The following IST1 variants were observed in gnomAD, a reference collection of about 807,000 sequenced individuals.
The protein encoded by IST1 is IST1 factor associated with ESCRT-III.
IST1 carries 23 observed loss-of-function variants against 37.0 expected under a neutral mutation model. The observed-to-expected ratio is 0.62, with a 90% CI of 0.45 to 0.88. The LOEUF (loss-of-function observed/expected upper bound fraction) is 0.88. Ranked by LOEUF, IST1 falls within the 40% of genes least tolerant of loss-of-function variation. The pLI, the probability that IST1 is intolerant of heterozygous loss-of-function variation, is 0.00. For synonymous variants in IST1, 180 were observed against 161.7 expected (o/e 1.11, Z -0.86); for missense variants, 488 against 445.4 (o/e 1.10, Z -0.86).
At chr16:71,921,275 G>A (rs573321718) in intron 5 of IST1, 68 bp from the exon 6 acceptor site, 13 of 909,882 alleles carry the variant, frequency 1.4e-5, no homozygotes, top group Middle Eastern at 3.3e-4. Context: ...AGCTAACTTC[G>A]CATAGTGAGG....
intron 1 of IST1, among the ~76,000 whole-genome samples, chr16:71,899,642 G>T (rs1005534963): frequency 5.3e-5 from 8 of 152,188 alleles, no homozygotes; most frequent in Non-Finnish European, 1.5e-5. Context: ...CTGGGAGGCC[G>T]AGGCGGGTGG....
At position 71,916,736 on chromosome 16, in the gene IST1, C is replaced by CCCAA. The variant is rs113087658; in HGVS notation, c.269+95_269+98dup. 1,885 of 1,048,944 alleles carry CCCAA rather than the reference C, an allele frequency of 1.8e-3. 31 individuals carry two copies. The African/African-American group carries it at 0.022, about 12-fold the overall frequency. The allele number at this position is 1,048,944 out of a possible 1,614,324, so 65.0% of individuals were successfully genotyped here. ...CTGCATTAAGGGACTATTTCACATG[C>CCCAA]CCAAGGATCTGCTGCCTAACAGTTG... On this transcript the variant is annotated intron_variant, in intron 3 of 9. Coordinates refer to ENST00000378799, the MANE Select transcript of IST1 (RefSeq NM_001270975.2).
At chr16:71,923,082 A>G (rs2037647281) in intron 7 of IST1, 1 of 481,850 alleles carries the variant, frequency 2.1e-6, no homozygotes, top group Non-Finnish European at 3.6e-6. Context: ...CACTTGATTC[A>G]ATAAAGAATA....
chr16:71,927,933 C>G lies in IST1; in HGVS notation c.*120C>G. 1.4e-6 allele frequency: 1 copy of G among 707,976 alleles called. No individual in the cohort carries two copies. Among genetic ancestry groups the G allele is most frequent in the East Asian group, 2.6e-5 (1 of 39,002 alleles). The allele number at this position is 707,976 out of a possible 1,614,324, so 43.9% of individuals were successfully genotyped here. ...TTAACCGTCACTCAGCACAACACTC[C>G]CTCTGGGCTCTCTTCCTGCTCCTCC... is the stretch of plus-strand genomic sequence containing the variant. On this transcript the variant is annotated 3_prime_UTR_variant, in exon 10 of 10. Transcript: ENST00000378799.
chr16:71,921,548 T>C, intron 6 of IST1, 95 bp downstream of exon 6: 1 of 740,258 alleles, frequency 1.4e-6, no homozygotes, highest in Non-Finnish European at 2.3e-6. Context: ...CTTAAATTTG[T>C]GTGAGTTTAA....
In IST1 at chr16:71,927,935, T is replaced by G; in HGVS notation, c.*122T>G. On this transcript the variant is annotated 3_prime_UTR_variant, in exon 10 of 10. Transcript: ENST00000378799. ...AACCGTCACTCAGCACAACACTCCC[T>G]CTGGGCTCTCTTCCTGCTCCTCCAG... is the stretch of plus-strand genomic sequence containing the variant. 1.4e-6 allele frequency: 1 copy of G among 698,298 alleles called. No homozygotes were observed. Among genetic ancestry groups the G allele is most frequent in the Middle Eastern group, 2.5e-4 (1 of 4,060 alleles). The allele number at this position is 698,298 out of a possible 1,614,324, so 43.3% of individuals were successfully genotyped here. A position where few individuals can be genotyped will look rare whatever the true frequency, so the allele number is the denominator to read the frequency against.
chr16:71,929,225 C>T lies in IST1; in HGVS notation c.*1412C>T, dbSNP rs1443795829. 4.4e-6 allele frequency: 1 copy of T among 225,338 alleles called. No individual in the cohort carries two copies. Among genetic ancestry groups the T allele is most frequent in the Non-Finnish European group, 8.8e-6 (1 of 113,220 alleles). The allele number at this position is 225,338 out of a possible 1,614,324, so 14.0% of individuals were successfully genotyped here. ...GGGCTCCGCATCTGCCATGCCTCATCCTTGGATGTTTATTTTTAGTAAGTT... is the reference window on the plus strand; with the variant it reads ...GGGCTCCGCATCTGCCATGCCTCATTCTTGGATGTTTATTTTTAGTAAGTT... On this transcript the variant is annotated 3_prime_UTR_variant, in exon 10 of 10. Transcript: ENST00000378799.
chr16:71,925,011 ATTTT>A (rs539063040), intron 9 of IST1, among the ~76,000 whole-genome samples, 194 bp downstream of exon 9: 6 of 132,330 alleles, frequency 4.5e-5, no homozygotes, highest in African/African-American at 5.8e-5. Flanking sequence ...TAGCTCAGTG[ATTTT>A]TTTTTTTTTT....
At chr16:71,917,018 A>C in intron 3 of IST1, 29 bp from the exon 4 acceptor site, 1 of 1,436,242 alleles carries the variant, frequency 7.0e-7, no homozygotes, top group Non-Finnish European at 9.7e-7. Flanking sequence ...GTTTTAAAGA[A>C]TGTTATATTA....
At chr16:71,895,075 C>T, upstream of IST1, 1 of 428,016 alleles carries the variant, frequency 2.3e-6, no homozygotes, top group South Asian at 2.8e-5. Flanking sequence ...ACGCAGGCTT[C>T]GAAACCCCCT....
chr16:71,906,887 G>A (rs950873950), intron 1 of IST1, among the ~76,000 whole-genome samples: 5 of 152,054 alleles, frequency 3.3e-5, no homozygotes, highest in African/African-American at 4.8e-5. Flanking sequence ...TTGTCAGCTG[G>A]GTACGGTTGT....
Position 71,930,188 on chromosome 16 carries a change from GAA to G in IST1, c.*2378_*2379del. On this transcript the variant is annotated 3_prime_UTR_variant, in exon 10 of 10. Transcript: ENST00000378799. Reference sequence around the variant, plus strand: ...GACTGGGTCTAAAGCGAAAACCTGGGAAAACAATAAGAACACTTGCAGTGACT... The same window carrying G: ...GACTGGGTCTAAAGCGAAAACCTGGGAACAATAAGAACACTTGCAGTGACT... The G allele has an allele frequency of 6.5e-7, 1 of 1,539,026 alleles. No individual in the cohort carries two copies. Among genetic ancestry groups the G allele is most frequent in the South Asian group, 1.2e-5 (1 of 82,812 alleles).
intron 1 of IST1, among the ~76,000 whole-genome samples, chr16:71,905,680 G>A (rs910891600): frequency 5.3e-5 from 8 of 152,066 alleles, no homozygotes; most frequent in South Asian, 2.1e-4. Flanking sequence ...GCACCCAGTC[G>A]AACTTGTTTT....
chr16:71,920,990 C>G (rs1454457535), intron 5 of IST1, 168 bp downstream of exon 5: 2 of 666,884 alleles, frequency 3.0e-6, no homozygotes. Context: ...AATCCTTACA[C>G]CTGCCCAATT....
At chr16:71,926,806 C>T (rs2037755689) in intron 9 of IST1, among the ~76,000 whole-genome samples, 2 of 152,068 alleles carry the variant, frequency 1.3e-5, no homozygotes, top group South Asian at 4.1e-4. Flanking sequence ...TTTCCTGAAT[C>T]TAGAACTTAA....
In IST1 at chr16:71,917,081, A is replaced by G. The variant is rs772158526; in HGVS notation, c.304A>G (p.Thr102Ala). The G allele has an allele frequency of 3.7e-6, 6 of 1,612,434 alleles. No homozygotes were observed. The highest frequency in any genetic ancestry group is 2.7e-5 in the African/African-American group (2 of 74,898). ...LDSGLAESVS[T>A]LIWAAPRLQS... The stretch of plus-strand genomic sequence containing the variant: ...TTCTGGTCTGGCTGAATCTGTGTCT[A>G]CATTGATCTGGGCTGCTCCTCGACT... The change falls in exon 4 of 10, where the codon ACA becomes GCA. Residue 102 changes from threonine to alanine, a missense_variant. This residue lies in a region of IST1 where 455 missense variants were observed against 386.2 expected (regional missense o/e 1.18). Transcript: ENST00000378799.
rs377417433 is a variant in IST1, at chr16:71,899,231, A to G, written c.-16+3642A>G. Among the ~76,000 whole-genome samples, 24 of 152,224 alleles carry G rather than the reference A, an allele frequency of 1.6e-4. 1 individual carries two copies. Among genetic ancestry groups the G allele is most frequent in the Admixed American group, 9.8e-4 (15 of 15,278 alleles). Reference sequence around the variant, plus strand: ...TAGTTTGACCAGTGAAGATTTTATTATAGTGTGAAAATACACAGTGAACTT... The same window carrying G: ...TAGTTTGACCAGTGAAGATTTTATTGTAGTGTGAAAATACACAGTGAACTT... On this transcript the variant is annotated intron_variant, in intron 1 of 9. Coordinates refer to ENST00000378799, the MANE Select transcript of IST1 (RefSeq NM_001270975.2).
intron 1 of IST1, among the ~76,000 whole-genome samples, chr16:71,913,771 G>T (rs2037408901): frequency 6.6e-6 from 1 of 152,122 alleles, no homozygotes; most frequent in African/African-American, 2.4e-5. Context: ...AAAGGACTGG[G>T]ATTACAGACA....
At chr16:71,927,106 T>A (rs986539300) in intron 9 of IST1, among the ~76,000 whole-genome samples, 1 of 152,206 alleles carries the variant, frequency 6.6e-6, no homozygotes, top group African/African-American at 2.4e-5. Context: ...TTGATTTCCC[T>A]TAAACTTTTT....
Sources: gnomAD v4.1 joint callset for allele counts (sites outside exome capture counted in the v4.1 genomes callset) on GRCh38, gnomAD v4.1.1 for gene constraint, gnomAD v4.1.1 regional missense constraint, MANE v1.5 for transcripts, NCBI Gene and HGNC (gene_info 2026-07-23, HGNC 2026-07-21) for gene names.